RAC2: variants seen among roughly 807,000 people sequenced by gnomAD.
The protein encoded by RAC2 is Rac family small GTPase 2.
RAC2 carries 1 observed loss-of-function variant against 24.0 expected under a neutral mutation model. That is an observed-to-expected ratio of 0.04 (90% confidence interval 0.01 to 0.20). The LOEUF (loss-of-function observed/expected upper bound fraction) is 0.20. Ranked by LOEUF, RAC2 falls within the 10% of genes least tolerant of loss-of-function variation. The pLI is 1.00. For missense variants in RAC2, 130 were observed against 259.1 expected (o/e 0.50, Z 3.42); for synonymous variants, 114 against 106.8 (o/e 1.07, Z -0.41).
At chr22:37,232,763 C>G in intron 3 of RAC2, 38 bp downstream of exon 3, 1 of 1,546,950 alleles carries the variant, frequency 6.5e-7, no homozygotes, top group Non-Finnish European at 8.9e-7. Flanking sequence ...ACAGAGACAG[C>G]AAAGGTCAGG....
At position 37,228,868 on chromosome 22, in the gene RAC2, C is replaced by T. The variant is rs533273434; in HGVS notation, c.449-2065G>A. Among the ~76,000 whole-genome samples, 8 of 152,292 alleles carry T rather than the reference C, an allele frequency of 5.3e-5. No individual in the cohort carries two copies. In the South Asian group the frequency reaches 1.5e-3, roughly 28 times the overall value. ...CACTCGCTCTGAGTCACATGCTGGGCGTCTCCCCTCTACCTGGAGGCATAT... is the reference window on the plus strand; with the variant it reads ...CACTCGCTCTGAGTCACATGCTGGGTGTCTCCCCTCTACCTGGAGGCATAT... On this transcript the variant is annotated intron_variant, in intron 5 of 6. Coordinates refer to ENST00000249071, the MANE Select transcript of RAC2 (RefSeq NM_002872.5).
intron 2 of RAC2, among the ~76,000 whole-genome samples, chr22:37,237,971 C>T (rs897506328): frequency 4.0e-5 from 6 of 151,130 alleles, no homozygotes; most frequent in South Asian, 4.2e-4. Flanking sequence ...GTCAAGGAGG[C>T]GATGTTTAAG....
At chr22:37,229,951 G>A (rs1196714254) in intron 5 of RAC2, among the ~76,000 whole-genome samples, 1 of 152,192 alleles carries the variant, frequency 6.6e-6, no homozygotes, top group African/African-American at 2.4e-5. Context: ...AGAGGTCAGT[G>A]ACAGCCAGGC....
rs370046077 is a variant in RAC2 at position 37,231,217 on chromosome 22, C to T, written c.448+14G>A. 1.9e-6 allele frequency: 3 copies of T among 1,612,692 alleles called. No homozygotes were observed. The highest frequency in any genetic ancestry group is 2.5e-6 in the Non-Finnish European group (3 of 1,179,986). On this transcript the variant is annotated intron_variant, in intron 5 of 6. Coordinates refer to ENST00000249071, the MANE Select transcript of RAC2 (RefSeq NM_002872.5). The surrounding 1 kb of genome is among the most constrained non-coding windows in gnomAD (Gnocchi z 5.5). ...CCTGCAGCCAGATCGCCCCTCTGAG[C>T]CCGAGGCCCATACCAATCTCCTTGG... is the stretch of plus-strand genomic sequence containing the variant.
chr22:37,241,699 C>T (rs745481315), intron 1 of RAC2, 41 bp from the exon 2 acceptor site: 4 of 1,566,864 alleles, frequency 2.6e-6, no homozygotes, highest in African/African-American at 1.4e-5. Context: ...GTCATGGGCT[C>T]TGCCGGAGAC....
Position 37,231,161 on chromosome 22 carries a change from A to AGC in RAC2, c.448+69_448+70insGC. On this transcript the variant is annotated intron_variant, in intron 5 of 6. Transcript: ENST00000249071. This position sits in a 1 kb window ranked among gnomAD's most constrained non-coding sequence, Gnocchi z 5.5. ...GCCTGGCCCTGCAGCCCGTGTTTACAATCACACCACGAGGCCAAGTCAGGG... is the reference window on the plus strand; with the variant it reads ...GCCTGGCCCTGCAGCCCGTGTTTACAGCATCACACCACGAGGCCAAGTCAGGG... 1 of 1,579,356 alleles carries AGC rather than the reference A, an allele frequency of 6.3e-7. No individual in the cohort carries two copies. Among genetic ancestry groups the AGC allele is most frequent in the Non-Finnish European group, 8.7e-7 (1 of 1,151,458 alleles).
chr22:37,241,522 G>T (rs1927390473), intron 2 of RAC2, 65 bp downstream of exon 2: 4 of 1,511,614 alleles, frequency 2.6e-6, no homozygotes, highest in South Asian at 1.1e-5. Context: ...GTGCCTGAAA[G>T]GGGGGTCGAC....
At chr22:37,240,982 G>A (rs1927370294) in intron 2 of RAC2, 1 of 714,110 alleles carries the variant, frequency 1.4e-6, no homozygotes, top group Admixed American at 2.0e-5. Flanking sequence ...CAGGAGCCTT[G>A]AGTGCCATGC....
chr22:37,242,473 C>T (rs1217963517), intron 1 of RAC2, among the ~76,000 whole-genome samples: 1 of 152,174 alleles, frequency 6.6e-6, no homozygotes, highest in Non-Finnish European at 1.5e-5. Flanking sequence ...CCTCAGCATG[C>T]GAGGCTGGGA....
At chr22:37,228,424 GCA>G (rs745679138) in intron 5 of RAC2, among the ~76,000 whole-genome samples, 3 of 152,238 alleles carry the variant, frequency 2.0e-5, no homozygotes, top group Admixed American at 6.5e-5. Flanking sequence ...ATTTCAAGCT[GCA>G]CAGTTTCCCT....
At chr22:37,240,589 G>T (rs1291166625) in intron 2 of RAC2, among the ~76,000 whole-genome samples, 3 of 152,240 alleles carry the variant, frequency 2.0e-5, no homozygotes, top group African/African-American at 7.2e-5. Context: ...TGTGTTGTGT[G>T]TAAGGTAATG....
intron 5 of RAC2, 39 bp from the exon 6 acceptor site, chr22:37,226,842 G>A: frequency 8.4e-7 from 1 of 1,193,454 alleles, no homozygotes; most frequent in Non-Finnish European, 1.1e-6. Flanking sequence ...AGGCCTAAGT[G>A]GCGGGGGGGG....
At position 37,231,799 on chromosome 22, in the gene RAC2, T is replaced by A; in HGVS notation, c.288+133A>T. ...CCCCCTCAAGTCCCTCTGCCAGCCC[T>A]GGTTGGCACTGGGGACCCTCTCTGT... is the stretch of plus-strand genomic sequence containing the variant. On this transcript the variant is annotated intron_variant, in intron 4 of 6. Transcript: ENST00000249071. The surrounding 1 kb of genome is among the most constrained non-coding windows in gnomAD (Gnocchi z 5.5). 9.6e-7 allele frequency: 1 copy of A among 1,040,916 alleles called. No homozygotes were observed. Among genetic ancestry groups the A allele is most frequent in the Non-Finnish European group, 1.4e-6 (1 of 699,290 alleles). 64.5% of individuals were successfully genotyped at this position (1,040,916 alleles called of 1,614,324 possible). A position where few individuals can be genotyped will look rare whatever the true frequency, so the allele number is the denominator to read the frequency against.
At chr22:37,234,139 G>T (rs958517858) in intron 2 of RAC2, among the ~76,000 whole-genome samples, 29 of 152,244 alleles carry the variant, frequency 1.9e-4, no homozygotes, top group African/African-American at 7.0e-4. Context: ...AGCCAGCGCT[G>T]GGGCCACCAA....
intron 1 of RAC2, among the ~76,000 whole-genome samples, chr22:37,241,978 C>T (rs1052252754): frequency 6.6e-6 from 1 of 152,210 alleles, no homozygotes; most frequent in African/African-American, 2.4e-5. Context: ...CCAGCAGACC[C>T]AGGCAATGCC....
intron 2 of RAC2, among the ~76,000 whole-genome samples, chr22:37,234,935 T>C (rs1272657452): frequency 6.6e-6 from 1 of 152,176 alleles, no homozygotes; most frequent in Middle Eastern, 3.2e-3. Flanking sequence ...AGCCCATGGT[T>C]CCCTCTCTCA....
In RAC2 at chr22:37,231,831, C is replaced by T; in HGVS notation, c.288+101G>A. 1 of 1,370,296 alleles carries T rather than the reference C, an allele frequency of 7.3e-7. No homozygotes were observed. The highest frequency in any genetic ancestry group is 1.4e-5 in the African/African-American group (1 of 69,316). 84.9% of individuals were successfully genotyped at this position (1,370,296 alleles called of 1,614,324 possible). ...CACTGGGGACCCTCTCTGTATGCGA[C>T]CTCTGCTGCCCCAGGGACCAGCCTA... On this transcript the variant is annotated intron_variant, in intron 4 of 6. Coordinates refer to ENST00000249071, the MANE Select transcript of RAC2 (RefSeq NM_002872.5). This position sits in a 1 kb window ranked among gnomAD's most constrained non-coding sequence, Gnocchi z 5.5.
intron 2 of RAC2, among the ~76,000 whole-genome samples, chr22:37,235,533 C>T (rs1015071399): frequency 3.3e-5 from 5 of 152,210 alleles, no homozygotes; most frequent in Non-Finnish European, 7.3e-5. Context: ...AGGTGGCAGG[C>T]ACTAAGCCTC....
intron 2 of RAC2, among the ~76,000 whole-genome samples, 183 bp downstream of exon 2, chr22:37,241,404 G>A: frequency 6.6e-6 from 1 of 152,146 alleles, no homozygotes; most frequent in South Asian, 2.1e-4. Context: ...CGGGTTCTGG[G>A]AGCCCCCAGC....
Sources: allele counts gnomAD v4.1 joint callset (sites outside exome capture counted in the v4.1 genomes callset), GRCh38; gene constraint gnomAD v4.1.1; non-coding constraint Gnocchi (gnomAD v3.1); transcripts MANE v1.5; gene names NCBI Gene and HGNC (gene_info 2026-07-23, HGNC 2026-07-21).